CHST13: variants seen among roughly 807,000 people sequenced by gnomAD.
CHST13 encodes the protein carbohydrate sulfotransferase 13, also known as C4ST-3.
A neutral mutation model predicts 7.0 loss-of-function variants in CHST13; 1 was observed. The observed-to-expected ratio is 0.14, with a 90% confidence interval of 0.05 to 0.68. CHST13 has a LOEUF of 0.68. CHST13 is among the 30% of genes least tolerant of loss of function. CHST13 has a pLI of 0.82. For missense variants in CHST13, 572 were observed against 507.9 expected (o/e 1.13, Z -1.21); for synonymous variants, 257 against 240.9 (o/e 1.07, Z -0.62).
chr3:126,525,203 T>C (rs2107560138), intron 1 of CHST13, among the ~76,000 whole-genome samples: 1 of 152,246 alleles, frequency 6.6e-6, no homozygotes, highest in South Asian at 2.1e-4. Context: ...TTGCCTTTCC[T>C]TGTATGTGGT....
chr3:126,525,393 G>T (rs930953758), intron 1 of CHST13, among the ~76,000 whole-genome samples: 2 of 152,106 alleles, frequency 1.3e-5, no homozygotes, highest in African/African-American at 4.8e-5. Flanking sequence ...AGGATATCAG[G>T]GCCTGGGGAG....
At chr3:126,526,779 G>A (rs1174229320) in intron 1 of CHST13, among the ~76,000 whole-genome samples, 2 of 152,234 alleles carry the variant, frequency 1.3e-5, no homozygotes, top group Non-Finnish European at 2.9e-5. Flanking sequence ...GAGCACTGCT[G>A]CCCTCATCAC....
chr3:126,536,149 G>C (rs915323500), intron 1 of CHST13, 122 bp from the exon 2 acceptor site: 2 of 749,258 alleles, frequency 2.7e-6, no homozygotes, highest in African/African-American at 3.5e-5. Flanking sequence ...AGGTAGGCAA[G>C]ATCCGGGAAG....
chr3:126,535,222 TAGAC>T (rs1936753977), intron 1 of CHST13, among the ~76,000 whole-genome samples: 1 of 40,708 alleles, frequency 2.5e-5, no homozygotes, highest in African/African-American at 9.1e-5. Context: ...CCCCAGCCGG[TAGAC>T]AGACAGCATC....
intron 1 of CHST13, among the ~76,000 whole-genome samples, chr3:126,525,388 A>G (rs1560135022): frequency 6.6e-6 from 1 of 152,210 alleles, no homozygotes; most frequent in Non-Finnish European, 1.5e-5. Flanking sequence ...ACTTGAGGAT[A>G]TCAGGGCCTG....
At chr3:126,539,768 A>AACACACACACAC (rs1936896169) in intron 2 of CHST13, among the ~76,000 whole-genome samples, 1 of 66,312 alleles carries the variant, frequency 1.5e-5, no homozygotes, top group Non-Finnish European at 3.0e-5. Context: ...CACACCACAC[A>AACACACACACAC]CACAGCACAC....
At position 126,542,207 on chromosome 3, in the gene CHST13, C is replaced by A. The variant is rs750870511; in HGVS notation, c.655C>A (p.Arg219Ser). The change falls in exon 3 of 3, where the codon CGC (arginine) becomes AGC (serine). Residue 219 changes from arginine (R) to serine (S), a missense_variant. Physicochemically the swap from Arg to Ser is moderately radical, Grantham distance 110. Coordinates refer to ENST00000319340, the MANE Select transcript of CHST13 (RefSeq NM_152889.3). ...RPRALPDARA[R>S]GHDVRFAEFL... ...GCGCGCGCTCCCCGACGCCCGGGCC[C>A]GCGGCCACGACGTGCGCTTCGCGGA... 2.1e-6 allele frequency: 3 copies of A among 1,451,128 alleles called. No individual in the cohort carries two copies. Among genetic ancestry groups the A allele is most frequent in the South Asian group, 1.3e-5 (1 of 74,466 alleles). The allele number at this position is 1,451,128 out of a possible 1,614,324, so 89.9% of individuals were successfully genotyped here.
chr3:126,541,956 C>T lies in CHST13; in HGVS notation c.404C>T (p.Pro135Leu). 2 of 1,585,020 alleles carry T rather than the reference C, an allele frequency of 1.3e-6. No homozygotes were observed. Among genetic ancestry groups the T allele is most frequent in the Non-Finnish European group, 8.6e-7 (1 of 1,167,390 alleles). The part of the protein sequence containing the change: ...LALSGQARGD[P>L]RAISAQEAHA... ...CTGAGCGGCCAAGCCCGCGGCGACC[C>T]GCGCGCCATCTCCGCGCAAGAGGCG... The change falls in exon 3 of 3, where the codon CCG becomes CTG. Residue 135 changes from proline to leucine, a missense_variant. Pro to Leu is a moderately conservative substitution (Grantham distance 98). Transcript: ENST00000319340.
Position 126,542,088 on chromosome 3 carries a change from G to A in CHST13, c.536G>A (p.Arg179His). ...CTGTTCGTGCGGGAGCCCTTCGAGC[G>A]CCTGGCATCGGCTTACCGCAACAAG... ...AFLFVREPFE[R>H]LASAYRNKLA... Residue 179 changes from arginine to histidine, a missense_variant, in exon 3 of 3, where the codon CGC (arginine) becomes CAC (histidine). Coordinates refer to ENST00000319340, the MANE Select transcript of CHST13 (RefSeq NM_152889.3). The A allele has an allele frequency of 1.3e-6, 2 of 1,583,688 alleles. No individual in the cohort carries two copies. Among genetic ancestry groups the A allele is most frequent in the South Asian group, 1.1e-5 (1 of 89,566 alleles).
intron 1 of CHST13, among the ~76,000 whole-genome samples, chr3:126,525,654 T>A (rs1936523930): frequency 6.6e-6 from 1 of 151,944 alleles, no homozygotes; most frequent in African/African-American, 2.4e-5. Context: ...TAGACAGATG[T>A]TTACCCAGTA....
At chr3:126,540,356 G>A (rs921529232) in intron 2 of CHST13, among the ~76,000 whole-genome samples, 8 of 152,036 alleles carry the variant, frequency 5.3e-5, no homozygotes, top group African/African-American at 1.9e-4. Flanking sequence ...CCCAGTGTCA[G>A]TCCATCAGCA....
At chr3:126,527,259 G>A (rs1481516451) in intron 1 of CHST13, 1 of 152,296 alleles carries the variant, frequency 6.6e-6, no homozygotes, top group African/African-American at 2.4e-5. Flanking sequence ...ATGGCACACA[G>A]TGGTAGCCTC....
chr3:126,526,647 G>A (rs1936542785), intron 1 of CHST13, among the ~76,000 whole-genome samples: 1 of 152,232 alleles, frequency 6.6e-6, no homozygotes, highest in Non-Finnish European at 1.5e-5. Context: ...TTCTAGTAGG[G>A]GGAGGTCTGC....
At chr3:126,535,773 G>A (rs760167342) in intron 1 of CHST13, among the ~76,000 whole-genome samples, 51 of 152,384 alleles carry the variant, frequency 3.3e-4, no homozygotes, top group Middle Eastern at 3.4e-3. Context: ...ATCCACAGTG[G>A]GTCACCCAGC....
At position 126,541,794 on chromosome 3, in the gene CHST13, G is replaced by A. The variant is rs1016514217; in HGVS notation, c.242G>A (p.Cys81Tyr). Residue 81 changes from cysteine to tyrosine, a missense_variant, in exon 3 of 3, where the codon TGT (cysteine) becomes TAT (tyrosine). Physicochemically the swap from Cys to Tyr is radical, Grantham distance 194. Transcript: ENST00000319340. The part of the protein sequence containing the change: ...RQRRDLLNSA[C>Y]SRHSRRQRLL... ...CGGCGCGACCTGCTGAACAGCGCCTGTAGCCGCCACTCACGCCGGCAGCGC... is the reference window on the plus strand; with the variant it reads ...CGGCGCGACCTGCTGAACAGCGCCTATAGCCGCCACTCACGCCGGCAGCGC... 8.4e-6 allele frequency: 13 copies of A among 1,544,454 alleles called. No homozygotes were observed. The highest frequency in any genetic ancestry group is 1.1e-5 in the Non-Finnish European group (13 of 1,146,424).
intron 1 of CHST13, chr3:126,527,397 C>T (rs1040521924): frequency 3.9e-5 from 6 of 152,414 alleles, no homozygotes; most frequent in African/African-American, 1.4e-4. Context: ...GATCACACCT[C>T]CAGCTGTGGT....
At chr3:126,536,896 A>AACACACACACACACACAC (rs10670471) in intron 2 of CHST13, among the ~76,000 whole-genome samples, 1 of 140,400 alleles carries the variant, frequency 7.1e-6, no homozygotes, top group African/African-American at 2.7e-5. Flanking sequence ...CACACACACA[A>AACACACACACACACACAC]ACACACACAC....
chr3:126,535,918 G>T (rs1050083352), intron 1 of CHST13, among the ~76,000 whole-genome samples: 2 of 152,242 alleles, frequency 1.3e-5, no homozygotes, highest in East Asian at 1.9e-4. Context: ...AAGGGTTGGG[G>T]CATGAGGCCA....
rs527838611 is a variant in CHST13, at chr3:126,524,236, G to C, written c.-97G>C. 19 of 990,730 alleles carry C rather than the reference G, an allele frequency of 1.9e-5. No individual in the cohort carries two copies. In the African/African-American group the frequency reaches 3.2e-4, roughly 17 times the overall value. 61.4% of individuals were successfully genotyped at this position (990,730 alleles called of 1,614,324 possible). On this transcript the variant is annotated 5_prime_UTR_variant, in exon 1 of 3. Transcript: ENST00000319340. Reference sequence around the variant, plus strand: ...TGCCCTGCGCCGCGCCGCGCGTCTTGGTAGGCGCTGCGCTGCCGGGGCCGG... The same window carrying C: ...TGCCCTGCGCCGCGCCGCGCGTCTTCGTAGGCGCTGCGCTGCCGGGGCCGG...
Sources: allele counts gnomAD v4.1 joint callset (sites outside exome capture counted in the v4.1 genomes callset), GRCh38; gene constraint gnomAD v4.1.1; transcripts MANE v1.5; gene names NCBI Gene and HGNC (gene_info 2026-07-23, HGNC 2026-07-21).